Variants in FSTL5 observed in about 807,000 individuals in gnomAD.
The protein encoded by FSTL5 is follistatin like 5.
In FSTL5, 62 loss-of-function variants were observed where a neutral mutation model predicts 89.1. The ratio of observed to expected loss-of-function variants is 0.70; its 90% CI spans 0.57 to 0.86. FSTL5 has a LOEUF of 0.86. Ranked by LOEUF, FSTL5 falls within the 40% of genes least tolerant of loss-of-function variation. FSTL5 has a pLI of 0.00. For missense variants in FSTL5, 1,057 were observed against 1,001.6 expected (o/e 1.06, Z -0.75); for synonymous variants, 383 against 346.2 (o/e 1.11, Z -1.18).
intron 4 of FSTL5, among the ~76,000 whole-genome samples, chr4:161,813,622 T>C (rs1294961023): frequency 6.6e-6 from 1 of 152,234 alleles, no homozygotes; most frequent in Admixed American, 6.5e-5. Context: ...TGGTGTGTTG[T>C]ATCGCCACAG....
intron 5 of FSTL5, among the ~76,000 whole-genome samples, chr4:161,759,790 A>G (rs1404351660): frequency 2.0e-5 from 3 of 152,154 alleles, no homozygotes; most frequent in Non-Finnish European, 4.4e-5. Flanking sequence ...GTGGAACTCA[A>G]CAAATCTGAA....
At chr4:161,971,297 A>G (rs1329071170) in intron 3 of FSTL5, among the ~76,000 whole-genome samples, 1 of 152,162 alleles carries the variant, frequency 6.6e-6, no homozygotes, top group Non-Finnish European at 1.5e-5. Context: ...ACATTGATAT[A>G]TTAGAATTTT....
chr4:162,048,924 G>A (rs1305974967), intron 2 of FSTL5, among the ~76,000 whole-genome samples: 2 of 152,052 alleles, frequency 1.3e-5, no homozygotes, highest in African/African-American at 2.4e-5. Context: ...ATAAGGTGAG[G>A]GTAGACAAAG....
chr4:162,105,238 C>G (rs1160650166), intron 2 of FSTL5, among the ~76,000 whole-genome samples: 1 of 151,938 alleles, frequency 6.6e-6, no homozygotes, highest in Non-Finnish European at 1.5e-5. Flanking sequence ...GGTGAGAACA[C>G]TTAAGATCTA....
intron 13 of FSTL5, among the ~76,000 whole-genome samples, chr4:161,466,130 A>G (rs185272251): frequency 6.6e-6 from 1 of 152,238 alleles, no homozygotes; most frequent in African/African-American, 2.4e-5. Context: ...CTTTATACAC[A>G]TATTGATAAA....
At chr4:161,550,737 C>T (rs1385026614) in intron 8 of FSTL5, among the ~76,000 whole-genome samples, 1 of 151,906 alleles carries the variant, frequency 6.6e-6, no homozygotes, top group Non-Finnish European at 1.5e-5. Flanking sequence ...TCCCCCATCC[C>T]CGCACCCCAC....
chr4:161,589,591 T>A (rs1469300895), intron 7 of FSTL5, among the ~76,000 whole-genome samples: 1 of 152,062 alleles, frequency 6.6e-6, no homozygotes, highest in Admixed American at 6.6e-5. Flanking sequence ...GTGCTGGGAT[T>A]ACAGGAATCA....
chr4:161,457,029 C>T (rs10024823), intron 14 of FSTL5, among the ~76,000 whole-genome samples: 8,262 of 152,138 alleles, frequency 0.054, 623 homozygotes, highest in African/African-American at 0.17. Context: ...TGCAACTGTG[C>T]TGAACATTCA....
At chr4:161,914,479 A>G (rs1285324730) in intron 4 of FSTL5, among the ~76,000 whole-genome samples, 4 of 152,180 alleles carry the variant, frequency 2.6e-5, no homozygotes, top group African/African-American at 9.7e-5. Flanking sequence ...GTAAAATAAT[A>G]TTAAGTTATA....
chr4:161,949,240 A>G (rs1376424825), intron 3 of FSTL5, among the ~76,000 whole-genome samples: 4 of 151,940 alleles, frequency 2.6e-5, no homozygotes, highest in Non-Finnish European at 5.9e-5. Context: ...GGCCTTTGTA[A>G]TTACATCGGG....
intron 6 of FSTL5, among the ~76,000 whole-genome samples, chr4:161,735,846 T>C (rs190958273): frequency 1.2e-3 from 184 of 152,240 alleles, no homozygotes; most frequent in Admixed American, 3.1e-3. Context: ...TTGATTCTTA[T>C]AAAGAGTGCA....
At chr4:161,459,927 T>A (rs1403871681) in intron 13 of FSTL5, among the ~76,000 whole-genome samples, 1 of 151,248 alleles carries the variant, frequency 6.6e-6, no homozygotes, top group East Asian at 1.9e-4. Flanking sequence ...GAAAATGTGT[T>A]TTTTTTGCTA....
Position 161,587,198 on chromosome 4 carries a change from T to A in FSTL5, c.1015+257A>T, listed in dbSNP as rs1733643461. On this transcript the variant is annotated intron_variant, in intron 8 of 15. Coordinates refer to ENST00000306100, the MANE Select transcript of FSTL5 (RefSeq NM_020116.5). ...ATTCTAAACGAAAAAATAATGTAAA[T>A]TTCTTGTGTTCTAATTTTCCAATTA... Among the ~76,000 whole-genome samples the A allele has an allele frequency of 1.3e-5, 2 of 152,070 alleles. 1 individual carries two copies. Among genetic ancestry groups the A allele is most frequent in the Middle Eastern group, 6.3e-3 (2 of 316 alleles).
rs555823235 is a variant in FSTL5, at chr4:161,429,557, T to A, written c.1841+25447A>T. Among the ~76,000 whole-genome samples the A allele has an allele frequency of 4.6e-5, 7 of 152,032 alleles. No homozygotes were observed. The South Asian group carries it at 1.5e-3, about 32-fold the overall frequency. ...AAGAATGTAAGGAAGAAAGAAAGAG[T>A]CTCTGCCCAGTAATCAGATAATTCT... On this transcript the variant is annotated intron_variant, in intron 15 of 15. Coordinates refer to ENST00000306100, the MANE Select transcript of FSTL5 (RefSeq NM_020116.5).
At chr4:161,767,274 A>G (rs755165538) in intron 5 of FSTL5, among the ~76,000 whole-genome samples, 7 of 152,190 alleles carry the variant, frequency 4.6e-5, no homozygotes, top group Non-Finnish European at 8.8e-5. Context: ...GTCATAATCT[A>G]TGTTCTCAAA....
At chr4:161,609,668 A>C (rs779536513) in intron 7 of FSTL5, among the ~76,000 whole-genome samples, 1 of 151,806 alleles carries the variant, frequency 6.6e-6, no homozygotes, top group African/African-American at 2.4e-5. Flanking sequence ...ACACAGTTTC[A>C]TGAGTACTGG....
intron 3 of FSTL5, among the ~76,000 whole-genome samples, chr4:161,930,504 CT>C (rs35823299): frequency 0.066 from 9,931 of 150,812 alleles, 887 homozygotes; most frequent in African/African-American, 0.2. Flanking sequence ...ATTTTTAAAG[CT>C]TTTTTTTTCT....
At chr4:161,613,970 A>G (rs1734750420) in intron 7 of FSTL5, among the ~76,000 whole-genome samples, 1 of 152,200 alleles carries the variant, frequency 6.6e-6, no homozygotes, top group Non-Finnish European at 1.5e-5. Context: ...ACTATATATT[A>G]CATTTCCAAA....
intron 4 of FSTL5, among the ~76,000 whole-genome samples, chr4:161,855,220 T>C (rs980508080): frequency 1.3e-5 from 2 of 152,040 alleles, no homozygotes; most frequent in African/African-American, 4.8e-5. Flanking sequence ...AGTTTTATGC[T>C]CTGGGCTGTG....
Sources: allele counts gnomAD v4.1 joint callset (sites outside exome capture counted in the v4.1 genomes callset), GRCh38; gene constraint gnomAD v4.1.1; transcripts MANE v1.5; gene names NCBI Gene and HGNC (gene_info 2026-07-23, HGNC 2026-07-21).